Variants in ZNRF1 observed in about 807,000 individuals in gnomAD.
ZNRF1 encodes zinc and ring finger 1.
A neutral mutation model predicts 18.4 loss-of-function variants in ZNRF1; 3 were observed. That is an observed-to-expected ratio of 0.16 (90% CI 0.07 to 0.42). The LOEUF (loss-of-function observed/expected upper bound fraction) is 0.42. Ranked by LOEUF, ZNRF1 falls within the 10% of genes least tolerant of loss-of-function variation. The pLI is 0.99. For synonymous variants in ZNRF1, 157 were observed against 144.2 expected (o/e 1.09, Z -0.64); for missense variants, 310 against 329.8 (o/e 0.94, Z 0.47).
intron 2 of ZNRF1, among the ~76,000 whole-genome samples, chr16:75,100,484 C>A (rs1259645199): frequency 6.6e-6 from 1 of 152,326 alleles, no homozygotes; most frequent in East Asian, 1.9e-4. Context: ...TCATACCTGC[C>A]TCTCCCTTCC....
chr16:75,099,680 C>T (rs1041605797), intron 2 of ZNRF1, among the ~76,000 whole-genome samples: 2 of 152,182 alleles, frequency 1.3e-5, no homozygotes, highest in African/African-American at 4.8e-5. Flanking sequence ...AACCTCTTCT[C>T]TAGGGGCCTG....
At chr16:75,000,494 A>T (rs1436382593) in intron 1 of ZNRF1, 1 of 383,198 alleles carries the variant, frequency 2.6e-6, no homozygotes, top group Admixed American at 3.5e-5. Context: ...TGGAGCAAGC[A>T]GTGTCTCCTA....
intron 1 of ZNRF1, among the ~76,000 whole-genome samples, chr16:75,023,186 T>G (rs2145338531): frequency 6.6e-6 from 1 of 152,340 alleles, no homozygotes; most frequent in South Asian, 2.1e-4. Flanking sequence ...TGACTCAAGT[T>G]GGAAATTCCT....
chr16:75,040,042 C>CTTTTTTTTT (rs57122648), intron 1 of ZNRF1, among the ~76,000 whole-genome samples: 193 of 78,860 alleles, frequency 2.4e-3, no homozygotes, highest in African/African-American at 8.5e-3. Flanking sequence ...TCTTTTCTTT[C>CTTTTTTTTT]TTTTTTTTTT....
intron 2 of ZNRF1, among the ~76,000 whole-genome samples, chr16:75,095,947 G>A (rs1254536328): frequency 6.6e-6 from 1 of 152,196 alleles, no homozygotes. Flanking sequence ...AGATTGGCCA[G>A]CCAGCCTGAG....
At chr16:75,051,706 T>A (rs1316225156) in intron 1 of ZNRF1, among the ~76,000 whole-genome samples, 1 of 152,018 alleles carries the variant, frequency 6.6e-6, no homozygotes, top group Non-Finnish European at 1.5e-5. Flanking sequence ...TTAGTAGATA[T>A]GGGGTTTCAC....
At chr16:75,099,294 G>A (rs1475019507) in intron 2 of ZNRF1, among the ~76,000 whole-genome samples, 2 of 152,148 alleles carry the variant, frequency 1.3e-5, no homozygotes, top group Non-Finnish European at 2.9e-5. Flanking sequence ...AGGCTCTTTT[G>A]CTCCTCCTCC....
At chr16:75,048,065 GCCTCAGCTTCC>G (rs2035539328) in intron 1 of ZNRF1, among the ~76,000 whole-genome samples, 1 of 151,880 alleles carries the variant, frequency 6.6e-6, no homozygotes, top group Non-Finnish European at 1.5e-5. Context: ...GGATCCTCCT[GCCTCAGCTTCC>G]CAAGTAGCTG....
At chr16:75,098,668 G>T (rs945708411) in intron 2 of ZNRF1, among the ~76,000 whole-genome samples, 4 of 152,216 alleles carry the variant, frequency 2.6e-5, no homozygotes, top group Admixed American at 6.5e-5. Flanking sequence ...TGAGGTCAGG[G>T]GGTGGAACCT....
chr16:75,097,495 A>G (rs914597053), intron 2 of ZNRF1, among the ~76,000 whole-genome samples: 2 of 152,112 alleles, frequency 1.3e-5, no homozygotes, highest in African/African-American at 4.8e-5. Flanking sequence ...CCCATCTTTA[A>G]GGCTCTTGAG....
chr16:75,101,727 C>T (rs77041578), intron 2 of ZNRF1, among the ~76,000 whole-genome samples: 7,995 of 152,270 alleles, frequency 0.053, 677 homozygotes, highest in African/African-American at 0.18. Flanking sequence ...CACATTCGAA[C>T]GCTACAGAAA....
intron 1 of ZNRF1, among the ~76,000 whole-genome samples, chr16:75,007,023 C>G (rs1377548753): frequency 6.6e-6 from 1 of 150,762 alleles, no homozygotes; most frequent in Non-Finnish European, 1.5e-5. Context: ...GACCAGCCCT[C>G]AAGTGTGAAG....
At chr16:75,082,793 A>T (rs2036028852) in intron 1 of ZNRF1, among the ~76,000 whole-genome samples, 1 of 152,178 alleles carries the variant, frequency 6.6e-6, no homozygotes, top group Non-Finnish European at 1.5e-5. Context: ...AGATCAAGTG[A>T]TCTACCTGCC....
intron 1 of ZNRF1, among the ~76,000 whole-genome samples, chr16:75,006,599 C>G (rs2034920982): frequency 6.6e-6 from 1 of 152,086 alleles, no homozygotes; most frequent in South Asian, 2.1e-4. Flanking sequence ...CCACGCCTGA[C>G]TAGTTTTTGT....
intron 1 of ZNRF1, among the ~76,000 whole-genome samples, chr16:75,026,322 A>G (rs753479639): frequency 1.3e-5 from 2 of 152,144 alleles, no homozygotes; most frequent in Non-Finnish European, 2.9e-5. Context: ...GAGTAAAAGT[A>G]CTGGCATAGA....
intron 1 of ZNRF1, 190 bp downstream of exon 1, chr16:75,000,285 C>G (rs771376546): frequency 5.6e-6 from 5 of 899,672 alleles, no homozygotes; most frequent in Non-Finnish European, 7.1e-6. Context: ...GGCTGCGGAG[C>G]CTGGCGATTT....
chr16:75,083,316 G>C (rs912447442), intron 1 of ZNRF1, among the ~76,000 whole-genome samples: 2 of 152,218 alleles, frequency 1.3e-5, no homozygotes, highest in African/African-American at 4.8e-5. Flanking sequence ...TTCTGGAATA[G>C]GAAGGGCACT....
intron 1 of ZNRF1, among the ~76,000 whole-genome samples, chr16:75,029,956 A>G (rs532119196): frequency 1.3e-5 from 2 of 151,516 alleles, no homozygotes; most frequent in African/African-American, 4.8e-5. Flanking sequence ...CCAGCTACTC[A>G]AGAGGCCAAG....
chr16:75,094,407 C>A (rs747557167), intron 2 of ZNRF1, among the ~76,000 whole-genome samples: 1 of 152,222 alleles, frequency 6.6e-6, no homozygotes, highest in Non-Finnish European at 1.5e-5. Context: ...AAATGACTGT[C>A]AACATCTGCC....
Sources: allele counts gnomAD v4.1 joint callset (sites outside exome capture counted in the v4.1 genomes callset), GRCh38; gene constraint gnomAD v4.1.1; transcripts MANE v1.5; gene names NCBI Gene and HGNC (gene_info 2026-07-23, HGNC 2026-07-21).